Variants in THSD7B observed in about 807,000 individuals in gnomAD.
THSD7B encodes thrombospondin type-1 domain-containing protein 7B.
A neutral mutation model predicts 213.6 loss-of-function variants in THSD7B; 138 were observed. The observed-to-expected ratio is 0.65, with a 90% CI of 0.56 to 0.74. THSD7B has a LOEUF of 0.74. THSD7B is among the 30% of genes least tolerant of loss of function. The pLI, the probability that THSD7B is intolerant of heterozygous loss-of-function variation, is 0.00. For synonymous variants in THSD7B, 742 were observed against 687.0 expected (o/e 1.08, Z -1.25); for missense variants, 1,931 against 1,991.5 (o/e 0.97, Z 0.58).
intron 27 of THSD7B, among the ~76,000 whole-genome samples, chr2:137,670,116 A>G (rs1683531126): frequency 6.6e-6 from 1 of 152,220 alleles, no homozygotes; most frequent in Non-Finnish European, 1.5e-5. Flanking sequence ...ATAAATATTT[A>G]TGCATATTGT....
chr2:137,675,131 G>A (rs889131904), intron 27 of THSD7B, among the ~76,000 whole-genome samples: 2 of 151,816 alleles, frequency 1.3e-5, no homozygotes, highest in East Asian at 1.9e-4. Context: ...AATCTATTTG[G>A]GCAGAAAGTT....
rs146248101 is a variant in THSD7B at position 137,410,756 on chromosome 2, A to G, written c.2696-853A>G. Reference sequence around the variant, plus strand: ...AAAATAGACCAATAAAACTGCCTATATATTTTATAACCAGCCATGACTCTA... The same window carrying G: ...AAAATAGACCAATAAAACTGCCTATGTATTTTATAACCAGCCATGACTCTA... On this transcript the variant is annotated intron_variant, in intron 13 of 27. Coordinates refer to ENST00000409968, the MANE Select transcript of THSD7B (RefSeq NM_001316349.2). 4.3e-3 allele frequency among the ~76,000 whole-genome samples: 650 copies of G among 152,322 alleles called. 6 individuals carry two copies. Among genetic ancestry groups the G allele is most frequent in the African/African-American group, 0.015 (611 of 41,574 alleles).
chr2:136,920,455 G>A (rs560923892), intron 2 of THSD7B, among the ~76,000 whole-genome samples: 8 of 152,310 alleles, frequency 5.3e-5, no homozygotes, highest in African/African-American at 1.7e-4. Context: ...GAGTGAGACT[G>A]GTTGAGTCTG....
At chr2:137,386,324 C>T (rs1421620353) in intron 12 of THSD7B, among the ~76,000 whole-genome samples, 1 of 152,094 alleles carries the variant, frequency 6.6e-6, no homozygotes, top group African/African-American at 2.4e-5. Context: ...TAGTGCTGGG[C>T]CTGACATACA....
At chr2:136,810,336 A>C (rs1275108591) in intron 1 of THSD7B, among the ~76,000 whole-genome samples, 1 of 152,204 alleles carries the variant, frequency 6.6e-6, no homozygotes, top group Non-Finnish European at 1.5e-5. Context: ...GCTCCTCTCC[A>C]TGAGCAGATA....
chr2:137,282,348 G>C (rs190437093), intron 12 of THSD7B, among the ~76,000 whole-genome samples: 1 of 152,266 alleles, frequency 6.6e-6, no homozygotes, highest in East Asian at 1.9e-4. Context: ...CTCCCGTTCT[G>C]TAGGTTGCCT....
chr2:137,393,159 AAT>A (rs1686077272), intron 12 of THSD7B, among the ~76,000 whole-genome samples: 3 of 85,810 alleles, frequency 3.5e-5, no homozygotes, highest in African/African-American at 1.3e-4. Context: ...TTTTTTTTTT[AAT>A]TTTTTTTTTT....
chr2:137,292,524 A>T (rs1295743946), intron 12 of THSD7B, among the ~76,000 whole-genome samples: 3 of 152,112 alleles, frequency 2.0e-5, no homozygotes, highest in Admixed American at 6.5e-5. Context: ...TCACAAAAAG[A>T]GCTGTTTATT....
intron 2 of THSD7B, among the ~76,000 whole-genome samples, chr2:136,909,825 TATTG>T (rs1209540266): frequency 6.6e-6 from 1 of 152,206 alleles, no homozygotes; most frequent in Non-Finnish European, 1.5e-5. Flanking sequence ...CTGTTGTTGT[TATTG>T]ATTGTTTTGT....
intron 2 of THSD7B, among the ~76,000 whole-genome samples, chr2:136,918,907 C>G (rs1040697359): frequency 2.6e-5 from 4 of 152,136 alleles, no homozygotes; most frequent in Non-Finnish European, 5.9e-5. Context: ...ATAAAATAAA[C>G]AGCTTCTCTA....
chr2:136,931,922 T>C (rs1259074840), intron 2 of THSD7B, among the ~76,000 whole-genome samples: 1 of 152,236 alleles, frequency 6.6e-6, no homozygotes, highest in Non-Finnish European at 1.5e-5. Context: ...GCAAATCATT[T>C]AATGTAGAAA....
intron 7 of THSD7B, among the ~76,000 whole-genome samples, chr2:137,223,902 C>A (rs1031679443): frequency 6.6e-6 from 1 of 152,088 alleles, no homozygotes; most frequent in Non-Finnish European, 1.5e-5. Flanking sequence ...TATCCTCCCA[C>A]CCCCGCTTCC....
intron 7 of THSD7B, among the ~76,000 whole-genome samples, chr2:137,180,092 G>A (rs1318144858): frequency 1.3e-5 from 2 of 152,080 alleles, no homozygotes; most frequent in Non-Finnish European, 2.9e-5. Flanking sequence ...ATGAGAAGAG[G>A]GACTTGAACA....
intron 5 of THSD7B, among the ~76,000 whole-genome samples, chr2:137,143,723 C>T (rs1308751326): frequency 6.6e-6 from 1 of 152,104 alleles, no homozygotes; most frequent in African/African-American, 2.4e-5. Context: ...ATTAACCTTG[C>T]TCTTATTTCC....
chr2:136,844,012 G>A (rs1682958789), intron 1 of THSD7B, among the ~76,000 whole-genome samples: 1 of 152,114 alleles, frequency 6.6e-6, no homozygotes, highest in African/African-American at 2.4e-5. Context: ...TACTCTGAGA[G>A]GCCAGAGGCC....
chr2:137,331,953 C>T (rs1228134197), intron 12 of THSD7B, among the ~76,000 whole-genome samples: 4 of 152,278 alleles, frequency 2.6e-5, no homozygotes, highest in African/African-American at 4.8e-5. Flanking sequence ...GGCCCACAAG[C>T]GCCGCACACA....
chr2:136,991,004 G>A, intron 2 of THSD7B: 2 of 1,177,436 alleles, frequency 1.7e-6, no homozygotes, highest in African/African-American at 1.6e-5. Flanking sequence ...TGGCACAGGT[G>A]AATACCTGTC....
Position 136,882,384 on chromosome 2 carries a change from C to T in THSD7B, c.139+67C>T, listed in dbSNP as rs539570197. 2.3e-5 allele frequency: 31 copies of T among 1,343,008 alleles called. No homozygotes were observed. In the Admixed American group the frequency reaches 2.9e-4, roughly 13 times the overall value. The allele number at this position is 1,343,008 out of a possible 1,614,324, so 83.2% of individuals were successfully genotyped here. A position where few individuals can be genotyped will look rare whatever the true frequency, so the allele number is the denominator to read the frequency against. ...CAGGAAGAATATTCTTTCCATCCTT[C>T]TTCTTCTTCTTTCTAAAGTAGTGGG... is the stretch of plus-strand genomic sequence containing the variant. On this transcript the variant is annotated intron_variant, in intron 2 of 27. Transcript: ENST00000409968.
chr2:137,398,742 G>T (rs1170870127), intron 12 of THSD7B, among the ~76,000 whole-genome samples: 1 of 152,218 alleles, frequency 6.6e-6, no homozygotes, highest in African/African-American at 2.4e-5. Flanking sequence ...CCTGGGCAAT[G>T]GTGGGCGCCC....
Sources: gnomAD v4.1 joint callset for allele counts (sites outside exome capture counted in the v4.1 genomes callset) on GRCh38, gnomAD v4.1.1 for gene constraint, MANE v1.5 for transcripts, NCBI Gene and HGNC (gene_info 2026-07-23, HGNC 2026-07-21) for gene names.